SMARCA2: variants seen among roughly 807,000 people sequenced by gnomAD.
SMARCA2 encodes SWI/SNF related BAF chromatin remodeling complex subunit ATPase 2, also known as SWI/SNF-related matrix-associated actin-dependent regulator of chromatin subfamily A member 2.
Under a neutral mutation model 199.8 loss-of-function variants are expected in SMARCA2, and 61 were observed. That is an observed-to-expected ratio of 0.31 (90% confidence interval 0.25 to 0.38). The LOEUF is 0.38. Among genes scored for constraint, SMARCA2 ranks in the 10% least tolerant of loss-of-function variants. The pLI is 1.00. For synonymous variants in SMARCA2, 935 were observed against 732.0 expected (o/e 1.28, Z -4.48); for missense variants, 1,344 against 2,012.2 (o/e 0.67, Z 6.35).
In SMARCA2 at chr9:2,039,365, T is replaced by C. The variant is rs938940508; in HGVS notation, c.356-101T>C. The C allele has an allele frequency of 9.1e-7, 1 of 1,096,180 alleles. No individual in the cohort carries two copies. 67.9% of individuals were successfully genotyped at this position (1,096,180 alleles called of 1,614,324 possible). On this transcript the variant is annotated intron_variant, in intron 3 of 33. Transcript: ENST00000349721. The surrounding 1 kb of genome is among the most constrained non-coding windows in gnomAD (Gnocchi z 4.8). Reference sequence around the variant, plus strand: ...AAATGATATGTCATTCAAATTTCTGTCAGACAGTGTTGCTGTGGACAATTA... The same window carrying C: ...AAATGATATGTCATTCAAATTTCTGCCAGACAGTGTTGCTGTGGACAATTA...
intron 27 of SMARCA2, among the ~76,000 whole-genome samples, chr9:2,153,243 G>A (rs57764488): frequency 0.018 from 2,778 of 152,286 alleles, 86 homozygotes; most frequent in African/African-American, 0.064. Flanking sequence ...ACTGTTCAAA[G>A]TGCCCTCGAT....
At chr9:2,148,830 T>C (rs981642479) in intron 27 of SMARCA2, among the ~76,000 whole-genome samples, 1 of 151,434 alleles carries the variant, frequency 6.6e-6, no homozygotes, top group Non-Finnish European at 1.5e-5. Flanking sequence ...GATCTTGCCA[T>C]TGCCCATTAG....
chr9:2,048,424 G>T (rs1819976167), intron 5 of SMARCA2, among the ~76,000 whole-genome samples: 1 of 152,118 alleles, frequency 6.6e-6, no homozygotes, highest in South Asian at 2.1e-4. Flanking sequence ...AAGATAAAAT[G>T]ATACTGAAAC....
chr9:2,148,683 A>AT (rs1305006672), intron 27 of SMARCA2, among the ~76,000 whole-genome samples: 1 of 150,874 alleles, frequency 6.6e-6, no homozygotes, highest in Non-Finnish European at 1.5e-5. Context: ...TAATTTTTTT[A>AT]TTTTTTGTAG....
At position 2,058,760 on chromosome 9, in the gene SMARCA2, T is replaced by A. The variant is rs117539028; in HGVS notation, c.1521+296T>A. On this transcript the variant is annotated intron_variant, in intron 8 of 33. Transcript: ENST00000349721. ...AGCAGGTACTGTATTTTGCATGAGT[T>A]TGATAACCAGATCTGGAAGGATGGC... Among the ~76,000 whole-genome samples, 68 of 152,274 alleles carry A rather than the reference T, an allele frequency of 4.5e-4. No homozygotes were observed. The East Asian group carries it at 0.012, about 28-fold the overall frequency.
At chr9:2,128,979 G>A (rs1823817394) in intron 27 of SMARCA2, among the ~76,000 whole-genome samples, 1 of 152,186 alleles carries the variant, frequency 6.6e-6, no homozygotes, top group Non-Finnish European at 1.5e-5. Context: ...CCACACTTTG[G>A]GGGTCCCGAG....
intron 23 of SMARCA2, among the ~76,000 whole-genome samples, chr9:2,109,591 A>C (rs548530976): frequency 6.6e-6 from 1 of 152,140 alleles, no homozygotes; most frequent in South Asian, 2.1e-4. Context: ...AACTCAACAG[A>C]GCAGGATGAT....
In SMARCA2 at chr9:2,156,414, C is replaced by CTT. The variant is rs57161267; in HGVS notation, c.3982-5241_3982-5240dup. Among the ~76,000 whole-genome samples, 496 of 69,060 alleles carry CTT rather than the reference C, an allele frequency of 7.2e-3. 35 individuals carry two copies. Among genetic ancestry groups the CTT allele is most frequent in the Middle Eastern group, 9.1e-3 (1 of 110 alleles). The allele number at this position is 69,060 out of a possible 152,430, so 45.3% of individuals were successfully genotyped here. On this transcript the variant is annotated intron_variant, in intron 27 of 33. Coordinates refer to ENST00000349721, the MANE Select transcript of SMARCA2 (RefSeq NM_003070.5). ...ATACCATAAAGTTTACCATTTTAGA[C>CTT]TTTTTTTTTTTTTTTTTTTTTTTTT...
At position 2,020,787 on chromosome 9, in the gene SMARCA2, A is replaced by G. The variant is rs139262373; in HGVS notation, c.-37+5383A>G. On this transcript the variant is annotated intron_variant, in intron 1 of 33. Transcript: ENST00000349721. ...ATTGTACCTCAGAAAAACATACAAT[A>G]GAGCCAATGAAATTCAGGAACAAAA... Among the ~76,000 whole-genome samples, 595 of 152,340 alleles carry G rather than the reference A, an allele frequency of 3.9e-3. 5 individuals carry two copies. The highest frequency in any genetic ancestry group is 0.013 in the African/African-American group (549 of 41,574).
At chr9:2,114,908 C>T (rs968359872) in intron 24 of SMARCA2, among the ~76,000 whole-genome samples, 1 of 152,100 alleles carries the variant, frequency 6.6e-6, no homozygotes, top group Non-Finnish European at 1.5e-5. Context: ...TCAGAATGCA[C>T]ATGGTTCTTT....
intron 17 of SMARCA2, among the ~76,000 whole-genome samples, chr9:2,084,945 C>CT (rs1023709839): frequency 7.9e-5 from 12 of 151,964 alleles, no homozygotes; most frequent in East Asian, 3.9e-4. Context: ...AATGAAAACT[C>CT]TTTTTTTTCC....
intron 27 of SMARCA2, among the ~76,000 whole-genome samples, chr9:2,151,505 G>A (rs886919028): frequency 6.6e-6 from 1 of 151,798 alleles, no homozygotes; most frequent in Admixed American, 6.6e-5. Context: ...GATGAGGCAG[G>A]TGGATCACCT....
chr9:2,147,997 C>A (rs940113060), intron 27 of SMARCA2, among the ~76,000 whole-genome samples: 1 of 151,582 alleles, frequency 6.6e-6, no homozygotes, highest in Non-Finnish European at 1.5e-5. Context: ...CTATACCCAG[C>A]CATGAATGAG....
chr9:2,154,096 C>G (rs142292178), intron 27 of SMARCA2, among the ~76,000 whole-genome samples: 1 of 152,330 alleles, frequency 6.6e-6, no homozygotes, highest in East Asian at 1.9e-4. Flanking sequence ...ATGATATGAT[C>G]TGGAACAAGA....
intron 27 of SMARCA2, among the ~76,000 whole-genome samples, chr9:2,155,397 C>T (rs983547406): frequency 6.6e-6 from 1 of 152,104 alleles, no homozygotes; most frequent in Non-Finnish European, 1.5e-5. Context: ...ATTCTCCTGC[C>T]TCAGCCTCCC....
rs1820362859 is a variant in SMARCA2, at chr9:2,056,559, T to A, written c.1174-113T>A. On this transcript the variant is annotated intron_variant, in intron 6 of 33. Transcript: ENST00000349721. The surrounding 1 kb of genome is among the most constrained non-coding windows in gnomAD (Gnocchi z 4.0). ...TACAAACCAAAGGTGATTGAGAAGC[T>A]TGTGGAGATTCCCCGCCCCACTCTA... is the stretch of plus-strand genomic sequence containing the variant. 3 of 874,864 alleles carry A rather than the reference T, an allele frequency of 3.4e-6. No homozygotes were observed. Among genetic ancestry groups the A allele is most frequent in the South Asian group, 3.7e-5 (2 of 53,798 alleles). 54.2% of individuals were successfully genotyped at this position (874,864 alleles called of 1,614,324 possible).
At chr9:2,074,889 A>C (rs1223393518) in intron 12 of SMARCA2, among the ~76,000 whole-genome samples, 1 of 152,156 alleles carries the variant, frequency 6.6e-6, no homozygotes, top group Non-Finnish European at 1.5e-5. Flanking sequence ...TTTAAAAGCA[A>C]ATACTTTTTG....
rs142595085 is a variant in SMARCA2 at position 2,170,902 on chromosome 9, C to A, written c.4253+430C>A. ...TGATCTCCTGCGAGACATGAAGAAGCGTGCATGTTCACGCTGTGTCTGCAT... is the reference window on the plus strand; with the variant it reads ...TGATCTCCTGCGAGACATGAAGAAGAGTGCATGTTCACGCTGTGTCTGCAT... On this transcript the variant is annotated intron_variant, in intron 29 of 33. Transcript: ENST00000349721. The surrounding 1 kb of genome is among the most constrained non-coding windows in gnomAD (Gnocchi z 4.7). Among the ~76,000 whole-genome samples, 1 of 152,200 alleles carries A rather than the reference C, an allele frequency of 6.6e-6. No homozygotes were observed. Among genetic ancestry groups the A allele is most frequent in the Non-Finnish European group, 1.5e-5 (1 of 68,042 alleles).
rs80005429 is a variant in SMARCA2 at position 2,179,165 on chromosome 9, C to G, written c.4254-2406C>G. ...GGAATGGGTCATAAAGAGGGGATTG[C>G]CCATGAAAGTTGGGGGTACACAGTA... On this transcript the variant is annotated intron_variant, in intron 29 of 33. Transcript: ENST00000349721. 3.4e-3 allele frequency among the ~76,000 whole-genome samples: 523 copies of G among 152,132 alleles called. 3 individuals are homozygous for G. The highest frequency in any genetic ancestry group is 0.012 in the African/African-American group (492 of 41,514).
Sources: allele counts gnomAD v4.1 joint callset (sites outside exome capture counted in the v4.1 genomes callset), GRCh38; gene constraint gnomAD v4.1.1; non-coding constraint Gnocchi (gnomAD v3.1); transcripts MANE v1.5; gene names NCBI Gene and HGNC (gene_info 2026-07-23, HGNC 2026-07-21).